Variants in TNRC6B observed in about 807,000 individuals in gnomAD.
TNRC6B encodes the protein trinucleotide repeat-containing gene 6B protein.
TNRC6B carries 52 observed loss-of-function variants against 203.6 expected under a neutral mutation model. The observed-to-expected ratio is 0.26, with a 90% CI of 0.20 to 0.32. The LOEUF is 0.32. TNRC6B is among the 10% of genes least tolerant of loss of function. The pLI is 1.00. For synonymous variants in TNRC6B, 838 were observed against 845.7 expected (o/e 0.99, Z 0.16); for missense variants, 1,923 against 2,286.2 (o/e 0.84, Z 3.24).
intron 1 of TNRC6B, among the ~76,000 whole-genome samples, chr22:40,046,147 C>G (rs2067685550): frequency 6.6e-6 from 1 of 152,208 alleles, no homozygotes. Context: ...TGAAAGTTTA[C>G]TAATAGAGGT....
intron 15 of TNRC6B, among the ~76,000 whole-genome samples, chr22:40,301,752 T>G (rs2071026529): frequency 6.6e-6 from 1 of 152,226 alleles, no homozygotes; most frequent in Admixed American, 6.5e-5. Context: ...AAACTTGGAT[T>G]GTTTCCACCT....
chr22:40,189,418 G>A (rs2069243615), intron 1 of TNRC6B, among the ~76,000 whole-genome samples: 1 of 146,978 alleles, frequency 6.8e-6, no homozygotes, highest in Non-Finnish European at 1.5e-5. Flanking sequence ...AATATGTTCT[G>A]TTTTCAGAAC....
chr22:40,113,059 A>G (rs1024876032), intron 1 of TNRC6B, among the ~76,000 whole-genome samples: 1 of 152,110 alleles, frequency 6.6e-6, no homozygotes, highest in Non-Finnish European at 1.5e-5. Flanking sequence ...GTGAGCTGAG[A>G]TTGCGTCACT....
At chr22:40,125,775 G>T (rs746238462) in exon 3 of TNRC6B, 1 of 1,593,202 alleles carries the variant, frequency 6.3e-7, no homozygotes, top group South Asian at 1.2e-5. Context: ...CTTTTAGGCA[G>T]TATTTTTGTG....
At chr22:40,055,626 A>G (rs2067787799) in intron 1 of TNRC6B, among the ~76,000 whole-genome samples, 1 of 152,352 alleles carries the variant, frequency 6.6e-6, no homozygotes, top group Non-Finnish European at 1.5e-5. Flanking sequence ...GATAATCATA[A>G]ACCACAACGG....
chr22:40,300,801 G>T, intron 13 of TNRC6B, 109 bp from the exon 14 acceptor site: 2 of 1,245,096 alleles, frequency 1.6e-6, no homozygotes, highest in East Asian at 2.5e-5. Flanking sequence ...TTCCCTCCTG[G>T]ATACTTTTGA....
rs1307301576 is a variant in TNRC6B, at chr22:40,328,699, G to A, written c.*5458G>A. 1 of 152,144 alleles carries A rather than the reference G, an allele frequency of 6.6e-6. No individual in the cohort carries two copies. Among genetic ancestry groups the A allele is most frequent in the Non-Finnish European group, 1.5e-5 (1 of 68,022 alleles). 9.4% of individuals were successfully genotyped at this position (152,144 alleles called of 1,614,324 possible). A position where few individuals can be genotyped will look rare whatever the true frequency, so the allele number is the denominator to read the frequency against. On this transcript the variant is annotated 3_prime_UTR_variant, in exon 23 of 23. Transcript: ENST00000454349. ...ATGCTGAGCAAAATGCTTACGCCAAGCCTGTTTTTCTCTGCAGAGTAAACA... is the reference window on the plus strand; with the variant it reads ...ATGCTGAGCAAAATGCTTACGCCAAACCTGTTTTTCTCTGCAGAGTAAACA...
chr22:40,073,809 G>A (rs1285392125), intron 1 of TNRC6B, among the ~76,000 whole-genome samples: 1 of 152,126 alleles, frequency 6.6e-6, no homozygotes, highest in African/African-American at 2.4e-5. Flanking sequence ...TGTAATCCCA[G>A]CACTTTGGGA....
chr22:40,184,995 A>AT (rs921392031), intron 1 of TNRC6B, among the ~76,000 whole-genome samples: 67 of 151,528 alleles, frequency 4.4e-4, no homozygotes, highest in East Asian at 1.2e-3. Context: ...AATTTACCAA[A>AT]TTTTTTTTTG....
intron 1 of TNRC6B, among the ~76,000 whole-genome samples, chr22:40,226,940 T>TA (rs11459683): frequency 0.044 from 6,721 of 152,018 alleles, 250 homozygotes; most frequent in South Asian, 0.18. Context: ...GACAGAGTCT[T>TA]ACTCTATCAC....
At chr22:40,281,311 A>C in intron 11 of TNRC6B, 22 bp downstream of exon 11, 1 of 1,528,278 alleles carries the variant, frequency 6.5e-7, no homozygotes, top group Admixed American at 2.1e-5. Context: ...TCTCAAATTT[A>C]TAACTGCTTG....
Position 40,270,239 on chromosome 22 carries a change from G to C in TNRC6B, c.2924G>C (p.Trp975Ser). Residue 975 changes from tryptophan to serine, a missense_variant, in exon 6 of 23, where the codon TGG becomes TCG. Around this residue, in one of 8 missense-constraint regions of TNRC6B, gnomAD observed 599 missense variants for 656.5 expected, o/e 0.91. Coordinates refer to ENST00000454349, the MANE Select transcript of TNRC6B (RefSeq NM_001162501.2). ...GATACAGGAGCATCGACCACAGGCT[G>C]GGGGAACACGCCCGCCAACGCTCCC... ...MDDTGASTTG[W>S]GNTPANAPNA... 6.6e-7 allele frequency: 1 copy of C among 1,504,176 alleles called. No homozygotes were observed. The highest frequency in any genetic ancestry group is 8.9e-7 in the Non-Finnish European group (1 of 1,120,370). The allele number at this position is 1,504,176 out of a possible 1,614,324, so 93.2% of individuals were successfully genotyped here. A position where few individuals can be genotyped will look rare whatever the true frequency, so the allele number is the denominator to read the frequency against.
chr22:40,174,400 C>T (rs1262400313), upstream of TNRC6B, among the ~76,000 whole-genome samples: 2 of 152,028 alleles, frequency 1.3e-5, no homozygotes, highest in African/African-American at 2.4e-5. Flanking sequence ...AAGCTGGTCT[C>T]GAACTCCTGG....
At chr22:40,319,681 T>C (rs1043602281) in intron 21 of TNRC6B, among the ~76,000 whole-genome samples, 8 of 152,082 alleles carry the variant, frequency 5.3e-5, no homozygotes, top group Non-Finnish European at 1.2e-4. Flanking sequence ...ACCTCAGTCT[T>C]CCAAAGTGCT....
chr22:40,134,585 G>A (rs2068582411), intron 3 of TNRC6B, among the ~76,000 whole-genome samples: 1 of 152,174 alleles, frequency 6.6e-6, no homozygotes, highest in Admixed American at 6.5e-5. Flanking sequence ...GGCTACGGGA[G>A]GGATAGCATT....
chr22:40,162,275 T>C (rs1366362680), intron 4 of TNRC6B, among the ~76,000 whole-genome samples: 1 of 152,120 alleles, frequency 6.6e-6, no homozygotes, highest in East Asian at 1.9e-4. Flanking sequence ...TTCTATTTTT[T>C]AGTAGAGACG....
At chr22:40,171,791 A>G (rs1371012453) in intron 4 of TNRC6B, among the ~76,000 whole-genome samples, 1 of 152,088 alleles carries the variant, frequency 6.6e-6, no homozygotes, top group Admixed American at 6.6e-5. Flanking sequence ...TCATGCCTCT[A>G]TCCCCTGCTC....
In TNRC6B at chr22:40,154,860, AAT is replaced by A. The variant is rs71199273; in HGVS notation, c.46-1221_46-1220del. Among the ~76,000 whole-genome samples, 173 of 23,580 alleles carry A rather than the reference AAT, an allele frequency of 7.3e-3. 3 individuals carry two copies. Among genetic ancestry groups the A allele is most frequent in the East Asian group, 0.021 (22 of 1,026 alleles). 15.5% of individuals were successfully genotyped at this position (23,580 alleles called of 152,430 possible). ...TATCTCAAAAAAAAAAAAAAAAAAA[AAT>A]ATATATATATATATATATATATATA... On this transcript the variant is annotated intron_variant, in intron 3 of 23. Coordinates refer to the TNRC6B transcript ENST00000301923.
At chr22:40,071,531 AAT>A (rs1329770979) in intron 1 of TNRC6B, among the ~76,000 whole-genome samples, 7 of 152,226 alleles carry the variant, frequency 4.6e-5, no homozygotes, top group African/African-American at 1.7e-4. Flanking sequence ...ACCATAAGGG[AAT>A]ATATACTTAT....
Sources: gnomAD v4.1 joint callset for allele counts (sites outside exome capture counted in the v4.1 genomes callset) on GRCh38, gnomAD v4.1.1 for gene constraint, gnomAD v4.1.1 regional missense constraint, MANE v1.5 for transcripts, NCBI Gene and HGNC (gene_info 2026-07-23, HGNC 2026-07-21) for gene names.